The following MPHOSPH9 variants were observed in gnomAD, a reference collection of about 807,000 sequenced individuals.
MPHOSPH9 encodes the protein M-phase phosphoprotein 9.
In MPHOSPH9, 88 loss-of-function variants were observed where a neutral mutation model predicts 145.5. The ratio of observed to expected loss-of-function variants is 0.60; its 90% CI spans 0.51 to 0.72. MPHOSPH9 has a LOEUF of 0.72. Among genes scored for constraint, MPHOSPH9 ranks in the 30% least tolerant of loss-of-function variants. The pLI is 0.00. For synonymous variants in MPHOSPH9, 435 were observed against 486.2 expected (o/e 0.89, Z 1.39); for missense variants, 1,238 against 1,386.6 (o/e 0.89, Z 1.70).
At chr12:123,162,310 C>T in intron 20 of MPHOSPH9, 92 bp from the exon 21 acceptor site, 1 of 545,672 alleles carries the variant, frequency 1.8e-6, no homozygotes, top group South Asian at 4.8e-5. Context: ...CCAGCTAACT[C>T]ACATATTTAT....
At chr12:123,174,565 G>A (rs1425706172) in intron 16 of MPHOSPH9, among the ~76,000 whole-genome samples, 1 of 151,864 alleles carries the variant, frequency 6.6e-6, no homozygotes, top group African/African-American at 2.4e-5. Flanking sequence ...GTAGAGATGG[G>A]GTTTCACCAT....
intron 1 of MPHOSPH9, among the ~76,000 whole-genome samples, chr12:123,231,379 TAC>T (rs1367198238): frequency 1.1e-4 from 17 of 152,364 alleles, no homozygotes; most frequent in African/African-American, 4.1e-4. Flanking sequence ...TGTTGACTTA[TAC>T]AGAGACAAGA....
At chr12:123,182,245 T>TTG (rs1555220916) in intron 13 of MPHOSPH9, among the ~76,000 whole-genome samples, 2 of 78,640 alleles carry the variant, frequency 2.5e-5, no homozygotes, top group Non-Finnish European at 7.3e-5. Flanking sequence ...GGTGTTTTTT[T>TTG]TGTGTTTTTT....
intron 12 of MPHOSPH9, among the ~76,000 whole-genome samples, chr12:123,197,087 G>A (rs1390743535): frequency 6.9e-6 from 1 of 144,448 alleles, no homozygotes; most frequent in Non-Finnish European, 1.5e-5. Flanking sequence ...ATTGATTGTG[G>A]TGGTGGTTGC....
At position 123,169,477 on chromosome 12, in the gene MPHOSPH9, C is replaced by T. The variant is rs548671990; in HGVS notation, c.2457-2688G>A. On this transcript the variant is annotated intron_variant, in intron 16 of 23. Transcript: ENST00000606320. ...TTGCACCACTGCACTTCAGCCTGGG[C>T]AACAGAGCGAGACTCCGTCTTAAAA... 4.6e-3 allele frequency among the ~76,000 whole-genome samples: 685 copies of T among 148,828 alleles called. 2 individuals carry two copies. The highest frequency in any genetic ancestry group is 8.1e-3 in the Non-Finnish European group (548 of 67,488).
chr12:123,230,719 T>C (rs941305), intron 1 of MPHOSPH9, among the ~76,000 whole-genome samples, 197 bp from the exon 2 acceptor site: 97,505 of 152,066 alleles, frequency 0.64, 35,669 homozygotes, highest in East Asian at 1. Context: ...TGAAGCATAT[T>C]CATAGAACAG....
chr12:123,233,285 A>C (rs1283000882), upstream of MPHOSPH9: 1 of 152,252 alleles, frequency 6.6e-6, no homozygotes, highest in Non-Finnish European at 1.5e-5. Context: ...GGGGAGTGAC[A>C]AGGGGGCGGG....
intron 13 of MPHOSPH9, among the ~76,000 whole-genome samples, chr12:123,183,184 T>A (rs1247120842): frequency 6.6e-6 from 1 of 151,706 alleles, no homozygotes; most frequent in East Asian, 1.9e-4. Flanking sequence ...AATGAAGAAA[T>A]TAAAGAGAAA....
At chr12:123,161,077 C>A (rs1251949048) in intron 22 of MPHOSPH9, 59 bp downstream of exon 22, 3 of 1,578,358 alleles carry the variant, frequency 1.9e-6, no homozygotes, top group African/African-American at 1.4e-5. Context: ...ATTCCCTTCT[C>A]CTTAGACATA....
chr12:123,242,207 C>A (rs1490192855), intron 1 of MPHOSPH9, among the ~76,000 whole-genome samples: 1 of 152,074 alleles, frequency 6.6e-6, no homozygotes, highest in Non-Finnish European at 1.5e-5. Flanking sequence ...ACCTTAACTG[C>A]GATCAGCCAT....
At chr12:123,156,967 C>T in intron 23 of MPHOSPH9, 59 bp from the exon 24 acceptor site, 3 of 1,288,304 alleles carry the variant, frequency 2.3e-6, no homozygotes, top group Non-Finnish European at 3.3e-6. Context: ...CTATAATCAC[C>T]ACCAAACTGA....
intron 6 of MPHOSPH9, among the ~76,000 whole-genome samples, chr12:123,215,354 G>A (rs549843203): frequency 2.6e-5 from 4 of 151,562 alleles, no homozygotes; most frequent in African/African-American, 7.3e-5. Context: ...AGTTTATTTC[G>A]GTTCTCTGTG....
At chr12:123,196,674 G>A (rs936641949) in intron 12 of MPHOSPH9, among the ~76,000 whole-genome samples, 1 of 151,956 alleles carries the variant, frequency 6.6e-6, no homozygotes, top group Non-Finnish European at 1.5e-5. Flanking sequence ...ATATACCCAA[G>A]GAAACTAAAA....
intron 13 of MPHOSPH9, among the ~76,000 whole-genome samples, chr12:123,190,488 T>G (rs1020576566): frequency 1.4e-4 from 21 of 152,156 alleles, no homozygotes; most frequent in African/African-American, 4.6e-4. Flanking sequence ...TGGATTCATA[T>G]GTACATTATA....
intron 16 of MPHOSPH9, among the ~76,000 whole-genome samples, chr12:123,175,212 G>C (rs901973535): frequency 6.6e-6 from 1 of 151,048 alleles, no homozygotes; most frequent in Non-Finnish European, 1.5e-5. Context: ...GTGCAGTGGC[G>C]CAATCTCGAC....
Position 123,202,696 on chromosome 12 carries a change from A to G in MPHOSPH9, c.1709T>C (p.Leu570Pro). The change falls in exon 10 of 24, where the codon CTT (leucine) becomes CCT (proline). Residue 570 changes from leucine to proline, a missense_variant. This residue lies in a region of MPHOSPH9 where 837 missense variants were observed against 897.5 expected (regional missense o/e 0.93). Coordinates refer to ENST00000606320, the MANE Select transcript of MPHOSPH9 (RefSeq NM_022782.4). Reference sequence around the variant, plus strand: ...TGGGACACTGTTGGCTGTACCTGGAAGCTGGGACTGACTGACTGAGGCCGA... The same window carrying G: ...TGGGACACTGTTGGCTGTACCTGGAGGCTGGGACTGACTGACTGAGGCCGA... ...VASASVSQSQ[L>P]PGTANSVPEC... is the part of the protein sequence containing the mutation. 7 of 1,614,202 alleles carry G rather than the reference A, an allele frequency of 4.3e-6. No individual in the cohort carries two copies. Among genetic ancestry groups the G allele is most frequent in the Non-Finnish European group, 5.1e-6 (6 of 1,180,032 alleles).
At chr12:123,177,196 C>T (rs2044915385) in intron 15 of MPHOSPH9, among the ~76,000 whole-genome samples, 1 of 151,704 alleles carries the variant, frequency 6.6e-6, no homozygotes, top group African/African-American at 2.4e-5. Context: ...AAAAGAGTTG[C>T]AAGTCCATAA....
chr12:123,220,550 A>G (rs1323629646), intron 5 of MPHOSPH9, among the ~76,000 whole-genome samples: 1 of 151,702 alleles, frequency 6.6e-6, no homozygotes, highest in Non-Finnish European at 1.5e-5. Context: ...GGGAGACAAG[A>G]GCAAGACTCC....
At chr12:123,203,879 G>T (rs949588824) in intron 8 of MPHOSPH9, among the ~76,000 whole-genome samples, 1 of 152,158 alleles carries the variant, frequency 6.6e-6, no homozygotes, top group South Asian at 2.1e-4. Flanking sequence ...TAGAGACAGG[G>T]TCTCACCATG....
Sources: allele counts gnomAD v4.1 joint callset (sites outside exome capture counted in the v4.1 genomes callset), GRCh38; gene constraint gnomAD v4.1.1; regional missense constraint gnomAD v4.1.1; transcripts MANE v1.5; gene names NCBI Gene and HGNC (gene_info 2026-07-23, HGNC 2026-07-21).